Variants in KAT6A observed in about 807,000 individuals in gnomAD.
The protein encoded by KAT6A is histone acetyltransferase KAT6A.
A neutral mutation model predicts 198.4 loss-of-function variants in KAT6A; 9 were observed. The ratio of observed to expected loss-of-function variants is 0.05; its 90% CI spans 0.03 to 0.08. The LOEUF is 0.08. Among genes scored for constraint, KAT6A ranks in the 10% least tolerant of loss-of-function variants. The pLI is 1.00. For missense variants in KAT6A, 2,077 were observed against 2,509.9 expected, an observed-to-expected ratio of 0.83 and a Z score of 3.69; for synonymous variants, 890 against 883.0, an observed-to-expected ratio of 1.01 and a Z score of -0.14.
At chr8:42,007,980 AAAAAAAAT>A (rs1825832488) in intron 2 of KAT6A, among the ~76,000 whole-genome samples, 1 of 150,886 alleles carries the variant, frequency 6.6e-6, no homozygotes, top group South Asian at 2.2e-4. Context: ...AAAAAAAAAA[AAAAAAAAT>A]TTTTATTGTT....
In KAT6A at chr8:41,934,608, G is replaced by C. The variant is rs372970932; in HGVS notation, c.3612C>G (p.Ile1204Met). ...SIPKAGRKPK[I>M]QESEETVEPK... ...GCTCAACAGTTTCTTCACTCTCCTG[G>C]ATCTTGGGTTTACGTCCAGCTTTAG... Residue 1204 changes from isoleucine to methionine, a missense_variant, in exon 17 of 17, where the codon ATC becomes ATG. Physicochemically the swap from Ile to Met is conservative, Grantham distance 10 (BLOSUM62 1). This residue lies in a region of KAT6A where 375 missense variants were observed against 383.0 expected (regional missense o/e 0.98). Coordinates refer to ENST00000265713, the MANE Select transcript of KAT6A (RefSeq NM_006766.5). 1.2e-6 allele frequency: 2 copies of C among 1,614,040 alleles called. No individual in the cohort carries two copies. Among genetic ancestry groups the C allele is most frequent in the Non-Finnish European group, 1.7e-6 (2 of 1,180,024 alleles).
At position 41,932,255 on chromosome 8, in the gene KAT6A, C is replaced by T. The variant is rs777206424; in HGVS notation, c.5965G>A (p.Ala1989Thr). Residue 1989 changes from alanine (A) to threonine (T), a missense_variant, in exon 17 of 17, where the codon GCT becomes ACT. Physicochemically the swap from Ala to Thr is moderately conservative, Grantham distance 58. Transcript: ENST00000265713. ...TGPSHHSYMNAAGVPKQSLNG... is the reference protein window; with the variant it reads ...TGPSHHSYMNTAGVPKQSLNG... Reference sequence around the variant, plus strand: ...AGTGACTGCTTGGGCACGCCAGCAGCGTTCATGTAGCTGTGATGGGAGGGG... The same window carrying T: ...AGTGACTGCTTGGGCACGCCAGCAGTGTTCATGTAGCTGTGATGGGAGGGG... The T allele has an allele frequency of 5.0e-6, 8 of 1,613,430 alleles. No individual in the cohort carries two copies. Among genetic ancestry groups the T allele is most frequent in the East Asian group, 4.5e-5 (2 of 44,898 alleles).
At chr8:42,034,946 AAAGCCCAGATG>A (rs1242255169) in intron 2 of KAT6A, among the ~76,000 whole-genome samples, 1 of 152,244 alleles carries the variant, frequency 6.6e-6, no homozygotes, top group Admixed American at 6.5e-5. Flanking sequence ...TGTGGGATAG[AAAGCCCAGATG>A]GTCTGGTCTT....
At chr8:42,020,361 T>C (rs1218619920) in intron 2 of KAT6A, among the ~76,000 whole-genome samples, 2 of 152,224 alleles carry the variant, frequency 1.3e-5, no homozygotes, top group East Asian at 1.9e-4. Context: ...TCTACGTCTA[T>C]TGGGAACCTA....
At chr8:42,039,712 T>C (rs1055650058) in intron 2 of KAT6A, among the ~76,000 whole-genome samples, 1 of 152,162 alleles carries the variant, frequency 6.6e-6, no homozygotes, top group Middle Eastern at 3.2e-3. Context: ...TAAGACATAA[T>C]GAAAACTTGT....
intron 7 of KAT6A, 137 bp downstream of exon 7, chr8:41,976,869 CAT>C (rs1220926477): frequency 5.6e-6 from 4 of 710,204 alleles, no homozygotes; most frequent in African/African-American, 5.3e-5. Context: ...GTATCATCTA[CAT>C]GTTTTTTCAA....
rs200263669 is a variant in KAT6A, at chr8:41,943,759, G to A, written c.2217C>T (p.Phe739=). ...STLHHLRMLD[F]RSDQFVIIRR... is the part of the protein sequence containing the mutation. ...GATGTGATACTCACTGGTCACTACG[G>A]AAGTCCAGCATTCGTAGGTGGTGGA... The change falls in exon 13 of 17, where the codon TTC becomes TTT. Residue 739 remains phenylalanine, a synonymous_variant. Coordinates refer to ENST00000265713, the MANE Select transcript of KAT6A (RefSeq NM_006766.5). The A allele has an allele frequency of 1.9e-6, 3 of 1,610,512 alleles. No individual in the cohort carries two copies. The highest frequency in any genetic ancestry group is 2.7e-5 in the African/African-American group (2 of 74,786).
In KAT6A at chr8:41,932,919, A is replaced by T; in HGVS notation, c.5301T>A (p.His1767Gln). ...CAGGAGAATGGCTATAAGGCATGGC[A>T]TGAGGGTCCATAATGGTGTTGGTCA... The part of the protein sequence containing the change: ...QQLTNTIMDP[H>Q]AMPYSHSPAV... Residue 1767 changes from histidine to glutamine, a missense_variant, in exon 17 of 17, where the codon CAT becomes CAA. His to Gln is a conservative substitution (Grantham distance 24). Coordinates refer to ENST00000265713, the MANE Select transcript of KAT6A (RefSeq NM_006766.5). 8 of 1,614,166 alleles carry T rather than the reference A, an allele frequency of 5.0e-6. No homozygotes were observed. Among genetic ancestry groups the T allele is most frequent in the Non-Finnish European group, 6.8e-6 (8 of 1,180,030 alleles).
intron 8 of KAT6A, chr8:41,957,240 C>A (rs1421496894): frequency 1.7e-6 from 1 of 571,766 alleles, no homozygotes; most frequent in South Asian, 1.4e-5. Flanking sequence ...TTAACCTTTG[C>A]ACCGTGAAAC....
chr8:41,998,970 G>T (rs1029814861), intron 2 of KAT6A, among the ~76,000 whole-genome samples: 3 of 151,876 alleles, frequency 2.0e-5, no homozygotes, highest in Non-Finnish European at 4.4e-5. Flanking sequence ...CTTTAATAGG[G>T]ATGCTAAATT....
At chr8:41,946,944 C>A (rs531121331) in intron 11 of KAT6A, among the ~76,000 whole-genome samples, 1 of 152,268 alleles carries the variant, frequency 6.6e-6, no homozygotes, top group East Asian at 1.9e-4. Context: ...AACTCAAACA[C>A]AGTACGCCAA....
intron 2 of KAT6A, among the ~76,000 whole-genome samples, chr8:42,035,357 A>C (rs1388808660): frequency 1.3e-5 from 2 of 152,244 alleles, no homozygotes; most frequent in Non-Finnish European, 2.9e-5. Context: ...GACATAAAAT[A>C]CTACACAATG....
At chr8:42,022,155 TG>T (rs1387351946) in intron 2 of KAT6A, among the ~76,000 whole-genome samples, 1 of 152,188 alleles carries the variant, frequency 6.6e-6, no homozygotes, top group Non-Finnish European at 1.5e-5. Flanking sequence ...GCATATAATA[TG>T]TATTCAAAAT....
chr8:41,950,100 A>G (rs1822592140), intron 9 of KAT6A, among the ~76,000 whole-genome samples: 2 of 152,214 alleles, frequency 1.3e-5, no homozygotes, highest in South Asian at 4.1e-4. Flanking sequence ...TCAAGCACTA[A>G]GTGAAACAAA....
chr8:41,988,827 T>C (rs968001943), intron 2 of KAT6A, among the ~76,000 whole-genome samples: 1 of 152,206 alleles, frequency 6.6e-6, no homozygotes, highest in African/African-American at 2.4e-5. Context: ...ATGTGTTTAG[T>C]TGGAGGTACC....
chr8:41,986,994 C>T (rs775100968), intron 3 of KAT6A, among the ~76,000 whole-genome samples: 9 of 152,154 alleles, frequency 5.9e-5, no homozygotes, highest in Non-Finnish European at 5.9e-5. Context: ...ACCAAGATCA[C>T]GCCACTACAC....
At chr8:42,042,316 G>A (rs1450907088) in intron 2 of KAT6A, among the ~76,000 whole-genome samples, 2 of 151,998 alleles carry the variant, frequency 1.3e-5, no homozygotes, top group Admixed American at 1.3e-4. Flanking sequence ...AATTAGCCGG[G>A]CATGGTGGCA....
intron 2 of KAT6A, among the ~76,000 whole-genome samples, chr8:42,015,500 A>G (rs1826229942): frequency 6.6e-6 from 1 of 152,264 alleles, no homozygotes; most frequent in South Asian, 2.1e-4. Context: ...GACACTGAAC[A>G]CTTACCTTCA....
intron 3 of KAT6A, among the ~76,000 whole-genome samples, chr8:41,983,459 GTTT>G (rs761283849): frequency 2.7e-4 from 41 of 152,304 alleles, no homozygotes; most frequent in Middle Eastern, 3.4e-3. Flanking sequence ...CAAACATACA[GTTT>G]TTGTTTTATT....
Sources: gnomAD v4.1 joint callset for allele counts (sites outside exome capture counted in the v4.1 genomes callset) on GRCh38, gnomAD v4.1.1 for gene constraint, gnomAD v4.1.1 regional missense constraint, MANE v1.5 for transcripts, NCBI Gene and HGNC (gene_info 2026-07-23, HGNC 2026-07-21) for gene names.